The following PGAP1 variants were observed in gnomAD, a reference collection of about 807,000 sequenced individuals.
PGAP1 encodes the protein post-GPI attachment to proteins inositol deacylase 1.
A neutral mutation model predicts 127.0 loss-of-function variants in PGAP1; 76 were observed. That is an observed-to-expected ratio of 0.60 (90% confidence interval 0.50 to 0.72). The LOEUF is 0.72. Ranked by LOEUF, PGAP1 falls within the 30% of genes least tolerant of loss-of-function variation. The pLI, the probability that PGAP1 is intolerant of heterozygous loss-of-function variation, is 0.00. For synonymous variants in PGAP1, 362 were observed against 366.5 expected (o/e 0.99, Z 0.14); for missense variants, 982 against 1,071.3 (o/e 0.92, Z 1.16).
chr2:196,842,849 C>T, intron 25 of PGAP1, 24 bp from the exon 26 acceptor site: 2 of 1,109,020 alleles, frequency 1.8e-6, no homozygotes, highest in Non-Finnish European at 2.6e-6. Flanking sequence ...AAAAGAAACC[C>T]ACAAATCAAC....
intron 5 of PGAP1, among the ~76,000 whole-genome samples, chr2:196,902,091 C>T (rs1206128444): frequency 6.6e-6 from 1 of 152,198 alleles, no homozygotes; most frequent in East Asian, 1.9e-4. Context: ...AAAATCACAG[C>T]TCACTATAAC....
At chr2:196,870,003 C>T (rs1701363400) in intron 19 of PGAP1, among the ~76,000 whole-genome samples, 1 of 152,152 alleles carries the variant, frequency 6.6e-6, no homozygotes, top group Non-Finnish European at 1.5e-5. Context: ...TATAACTTCC[C>T]TAACTAATCA....
intron 4 of PGAP1, among the ~76,000 whole-genome samples, chr2:196,904,021 G>A (rs566374550): frequency 6.6e-6 from 1 of 152,322 alleles, no homozygotes; most frequent in East Asian, 1.9e-4. Context: ...AGCCTGGGAT[G>A]TTAAGTACCA....
intron 23 of PGAP1, among the ~76,000 whole-genome samples, chr2:196,845,322 T>C (rs996457652): frequency 1.3e-5 from 2 of 151,324 alleles, no homozygotes; most frequent in African/African-American, 4.8e-5. Flanking sequence ...AAGAATAACA[T>C]GGAGAGAATA....
Position 196,837,313 on chromosome 2 carries a change from T to A in PGAP1, c.*3921A>T, listed in dbSNP as rs558632994. On this transcript the variant is annotated 3_prime_UTR_variant, in exon 27 of 27. Transcript: ENST00000354764. The stretch of plus-strand genomic sequence containing the variant: ...GATGAAATGAATGCACTATACTAAA[T>A]GTGAGAAGTCTGAAGAATTAAGAAA... The A allele has an allele frequency of 4.6e-5, 7 of 152,240 alleles. No individual in the cohort carries two copies. The highest frequency in any genetic ancestry group is 1.7e-4 in the African/African-American group (7 of 41,548). The allele number at this position is 152,240 out of a possible 1,614,324, so 9.4% of individuals were successfully genotyped here.
intron 4 of PGAP1, among the ~76,000 whole-genome samples, chr2:196,907,228 G>C (rs1423176198): frequency 1.1e-3 from 14 of 12,954 alleles, no homozygotes; most frequent in African/African-American, 5.0e-3. Flanking sequence ...TCAAAGGAAA[G>C]CCCATCAGAC....
chr2:196,845,994 A>C lies in PGAP1; in HGVS notation c.2174T>G (p.Ile725Ser). The C allele has an allele frequency of 6.3e-7, 1 of 1,598,216 alleles. No individual in the cohort carries two copies. The highest frequency in any genetic ancestry group is 8.6e-7 in the Non-Finnish European group (1 of 1,168,956). The change falls in exon 23 of 27, where the codon ATC becomes AGC. Residue 725 changes from isoleucine (I) to serine (S), a missense_variant. Coordinates refer to ENST00000354764, the MANE Select transcript of PGAP1 (RefSeq NM_024989.4). ...GGGCAAGTCTGGTGATATCATCTTG[A>C]TATCTTTAGGAAGTTCAGAGGGTCT... ...LKRPSELPKDIKMISPDLPFL... is the reference protein window; with the variant it reads ...LKRPSELPKDSKMISPDLPFL...
At chr2:196,871,575 T>C (rs1385955373) in intron 18 of PGAP1, among the ~76,000 whole-genome samples, 1 of 152,138 alleles carries the variant, frequency 6.6e-6, no homozygotes, top group Admixed American at 6.6e-5. Flanking sequence ...AATTAAAAAC[T>C]ACTATGGCCC....
At position 196,847,928 on chromosome 2, in the gene PGAP1, C is replaced by A; in HGVS notation, c.1952+19G>T. On this transcript the variant is annotated intron_variant, in intron 21 of 26. Coordinates refer to ENST00000354764, the MANE Select transcript of PGAP1 (RefSeq NM_024989.4). Reference sequence around the variant, plus strand: ...TGTAAAACACAATTAAAATCATTATCACAGATAATAAAACTTACCCCAACA... The same window carrying A: ...TGTAAAACACAATTAAAATCATTATAACAGATAATAAAACTTACCCCAACA... The A allele has an allele frequency of 1.4e-6, 2 of 1,462,866 alleles. No homozygotes were observed. The highest frequency in any genetic ancestry group is 1.8e-6 in the Non-Finnish European group (2 of 1,082,610). 90.6% of individuals were successfully genotyped at this position (1,462,866 alleles called of 1,614,324 possible).
intron 8 of PGAP1, 35 bp downstream of exon 8, chr2:196,893,105 T>C: frequency 1.6e-6 from 2 of 1,266,424 alleles, no homozygotes; most frequent in Non-Finnish European, 2.3e-6. Context: ...AATGAAATAC[T>C]TCATTTAAAA....
In PGAP1 at chr2:196,897,169, G is replaced by C. The variant is rs754818869; in HGVS notation, c.889C>G (p.Arg297Gly). 2.3e-5 allele frequency: 36 copies of C among 1,583,082 alleles called. No individual in the cohort carries two copies. The highest frequency in any genetic ancestry group is 1.1e-4 in the Admixed American group (6 of 56,136). ...GCATCAATAAGATCAAAGAATGCTC[G>C]AACTGTAGTCAACTGCAATTGTTTA... ...WCKQLQLTTV[R>G]AFFDLIDADT... is the part of the protein sequence containing the mutation. The change falls in exon 7 of 27, where the codon CGA becomes GGA. Residue 297 changes from arginine to glycine, a missense_variant. By Grantham distance (125) the Arg-to-Gly change is moderately radical. Coordinates refer to ENST00000354764, the MANE Select transcript of PGAP1 (RefSeq NM_024989.4).
rs747198013 is a variant in PGAP1 at position 196,842,716 on chromosome 2, T to C, written c.2630+5A>G. ...ATAAGAAAAAGAAAGATTAAACTAC[T>C]GTACCTTGATTTTATTGAAACAGTG... On this transcript the variant is annotated splice_donor_5th_base_variant and intron_variant, in intron 26 of 26. Coordinates refer to ENST00000354764, the MANE Select transcript of PGAP1 (RefSeq NM_024989.4). 7 of 1,477,336 alleles carry C rather than the reference T, an allele frequency of 4.7e-6. No homozygotes were observed. The East Asian group carries it at 1.4e-4, about 30-fold the overall frequency. The allele number at this position is 1,477,336 out of a possible 1,614,324, so 91.5% of individuals were successfully genotyped here. A position where few individuals can be genotyped will look rare whatever the true frequency, so the allele number is the denominator to read the frequency against.
At chr2:196,866,760 TAAAC>T (rs1325876069) in intron 19 of PGAP1, among the ~76,000 whole-genome samples, 1 of 151,354 alleles carries the variant, frequency 6.6e-6, no homozygotes, top group Non-Finnish European at 1.5e-5. Context: ...ATAAAGAACT[TAAAC>T]AAATTCACAA....
chr2:196,876,566 T>A (rs538734152), intron 13 of PGAP1, among the ~76,000 whole-genome samples: 2 of 152,260 alleles, frequency 1.3e-5, no homozygotes, highest in East Asian at 3.8e-4. Context: ...GGTAAAGGAA[T>A]AATTTCATTA....
At chr2:196,879,272 C>T (rs552622990) in intron 13 of PGAP1, among the ~76,000 whole-genome samples, 2 of 152,188 alleles carry the variant, frequency 1.3e-5, no homozygotes, top group East Asian at 3.9e-4. Flanking sequence ...TATTATAATG[C>T]CATTCTTTTT....
rs929094928 is a variant in PGAP1, at chr2:196,920,961, T to C, written c.148-811A>G. ...TGTCATCCTCAAAGGTAGACATCTGTGGTAGTAAAGTATACATACACCCTT... is the reference window on the plus strand; with the variant it reads ...TGTCATCCTCAAAGGTAGACATCTGCGGTAGTAAAGTATACATACACCCTT... On this transcript the variant is annotated intron_variant, in intron 1 of 26. Coordinates refer to ENST00000354764, the MANE Select transcript of PGAP1 (RefSeq NM_024989.4). 2.0e-5 allele frequency among the ~76,000 whole-genome samples: 3 copies of C among 152,110 alleles called. 1 individual carries two copies. In the South Asian group the frequency reaches 6.2e-4, roughly 32 times the overall value.
chr2:196,845,352 A>AT lies in PGAP1; in HGVS notation c.2286+529dup, dbSNP rs60546102. Among the ~76,000 whole-genome samples, 460 of 144,828 alleles carry AT rather than the reference A, an allele frequency of 3.2e-3. 1 individual carries two copies. Among genetic ancestry groups the AT allele is most frequent in the African/African-American group, 5.9e-3 (234 of 39,984 alleles). On this transcript the variant is annotated intron_variant, in intron 23 of 26. Transcript: ENST00000354764. ...AGAATACACTTGTATTACCTCCTGGATTTTTTTTTTTTTCTTTGCAAAGCT... is the reference window on the plus strand; with the variant it reads ...AGAATACACTTGTATTACCTCCTGGATTTTTTTTTTTTTTCTTTGCAAAGCT...
chr2:196,893,879 G>A (rs1449827130), intron 7 of PGAP1, among the ~76,000 whole-genome samples: 1 of 152,112 alleles, frequency 6.6e-6, no homozygotes, highest in East Asian at 1.9e-4. Context: ...ATTTGGTATT[G>A]ACCATTATTC....
At chr2:196,890,104 T>C (rs1702051712) in intron 10 of PGAP1, among the ~76,000 whole-genome samples, 1 of 151,864 alleles carries the variant, frequency 6.6e-6, no homozygotes, top group African/African-American at 2.4e-5. Context: ...AGCTAAGTTT[T>C]TTGTATTTTT....
Sources: gnomAD v4.1 joint callset for allele counts (sites outside exome capture counted in the v4.1 genomes callset) on GRCh38, gnomAD v4.1.1 for gene constraint, MANE v1.5 for transcripts, NCBI Gene and HGNC (gene_info 2026-07-23, HGNC 2026-07-21) for gene names.